The following SIM1 variants were observed in gnomAD, a reference collection of about 807,000 sequenced individuals.
SIM1 encodes the protein single-minded homolog 1.
In SIM1, 18 loss-of-function variants were observed where a neutral mutation model predicts 78.2. The observed-to-expected ratio is 0.23, with a 90% confidence interval of 0.16 to 0.34. The LOEUF (loss-of-function observed/expected upper bound fraction) is 0.34, where lower values mean the gene tolerates loss of function less well. Among genes scored for constraint, SIM1 ranks in the 10% least tolerant of loss-of-function variants. The pLI is 1.00. For synonymous variants in SIM1, 417 were observed against 385.2 expected (o/e 1.08, Z -0.97); for missense variants, 939 against 975.1 (o/e 0.96, Z 0.49).
intron 2 of SIM1, among the ~76,000 whole-genome samples, chr6:100,461,713 T>C (rs534512306): frequency 3.2e-4 from 49 of 152,342 alleles, no homozygotes; most frequent in African/African-American, 1.0e-3. Flanking sequence ...GATCTCTTTT[T>C]TAAATAGAAG....
intron 10 of SIM1, among the ~76,000 whole-genome samples, 161 bp downstream of exon 10, chr6:100,420,629 T>G (rs1436608263): frequency 6.6e-6 from 1 of 152,242 alleles, no homozygotes; most frequent in Non-Finnish European, 1.5e-5. Context: ...CTAGCAGTTA[T>G]TTTAAAAGGA....
intron 10 of SIM1, among the ~76,000 whole-genome samples, chr6:100,402,227 T>C (rs1301892544): frequency 1.3e-5 from 2 of 152,190 alleles, no homozygotes; most frequent in East Asian, 3.8e-4. Context: ...GACTATATTG[T>C]CTAGAAAAAC....
chr6:100,417,707 C>T (rs1049876805), intron 10 of SIM1, among the ~76,000 whole-genome samples: 1 of 152,094 alleles, frequency 6.6e-6, no homozygotes, highest in Non-Finnish European at 1.5e-5. Flanking sequence ...AAACTCTCAG[C>T]CTATGACAAT....
chr6:100,407,753 A>G (rs894700791), intron 10 of SIM1, among the ~76,000 whole-genome samples: 3 of 152,108 alleles, frequency 2.0e-5, no homozygotes, highest in Non-Finnish European at 2.9e-5. Context: ...TTCTTCAGGA[A>G]AAGGTCTAGT....
chr6:100,439,407 CA>C (rs1347525116), intron 9 of SIM1, among the ~76,000 whole-genome samples: 1 of 152,178 alleles, frequency 6.6e-6, no homozygotes, highest in African/African-American at 2.4e-5. Flanking sequence ...GTGTCCTTAG[CA>C]AATGGTGCAA....
intron 10 of SIM1, among the ~76,000 whole-genome samples, chr6:100,411,656 C>A (rs1484467728): frequency 6.6e-6 from 1 of 151,770 alleles, no homozygotes; most frequent in Non-Finnish European, 1.5e-5. Context: ...TACATGGATG[C>A]TGGGGAATGG....
intron 3 of SIM1, among the ~76,000 whole-genome samples, chr6:100,453,484 G>T (rs1040870043): frequency 4.6e-5 from 7 of 152,056 alleles, no homozygotes; most frequent in African/African-American, 1.2e-4. Context: ...CCCTCCCTTG[G>T]TTAGGGGCCT....
At chr6:100,440,699 T>C (rs929332520) in intron 9 of SIM1, among the ~76,000 whole-genome samples, 4 of 152,210 alleles carry the variant, frequency 2.6e-5, no homozygotes, top group Admixed American at 2.0e-4. Context: ...GAAGGCTTAA[T>C]TATAGACACT....
At chr6:100,448,113 G>A (rs781309449) in intron 8 of SIM1, 33 bp downstream of exon 8, 3 of 1,559,226 alleles carry the variant, frequency 1.9e-6, no homozygotes, top group Non-Finnish European at 2.6e-6. Flanking sequence ...ATGCGCCAAG[G>A]TTGCTAGGGT....
Position 100,420,770 on chromosome 6 carries a change from C to G in SIM1, c.1167+20G>C. 1 of 1,613,132 alleles carries G rather than the reference C, an allele frequency of 6.2e-7. No individual in the cohort carries two copies. The highest frequency in any genetic ancestry group is 8.5e-7 in the Non-Finnish European group (1 of 1,179,434). On this transcript the variant is annotated intron_variant, in intron 10 of 11. Transcript: ENST00000369208. ...CATGTCGCCAAAAAAAAGAAAGTTG[C>G]AAAACAGCAATGCACTTACCTGAGG...
intron 2 of SIM1, among the ~76,000 whole-genome samples, chr6:100,457,341 G>T (rs1302575509): frequency 6.6e-6 from 1 of 152,202 alleles, no homozygotes; most frequent in Non-Finnish European, 1.5e-5. Flanking sequence ...GGGGGAGGGT[G>T]GCGGAGGCCC....
At chr6:100,413,140 G>A (rs1256116790) in intron 10 of SIM1, among the ~76,000 whole-genome samples, 4 of 152,148 alleles carry the variant, frequency 2.6e-5, no homozygotes, top group Non-Finnish European at 5.9e-5. Context: ...CATACTACAT[G>A]TGTTTTAACG....
chr6:100,396,397 T>C, intron 10 of SIM1, among the ~76,000 whole-genome samples: 1 of 152,112 alleles, frequency 6.6e-6, no homozygotes, highest in East Asian at 1.9e-4. Context: ...GAAAGTGCTA[T>C]TGGCGCAACA....
rs1438570755 is a variant in SIM1, at chr6:100,412,250, T to C, written c.1167+8540A>G. Among the ~76,000 whole-genome samples the C allele has an allele frequency of 3.3e-5, 5 of 151,874 alleles. No homozygotes were observed. The East Asian group carries it at 9.7e-4, about 29-fold the overall frequency. The stretch of plus-strand genomic sequence containing the variant: ...ATGGGTGAAAGCACAGAAAATCACA[T>C]CTTGGGCTGGGCATGGTAGCTTGCG... On this transcript the variant is annotated intron_variant, in intron 10 of 11. Coordinates refer to ENST00000369208, the MANE Select transcript of SIM1 (RefSeq NM_005068.3).
At chr6:100,422,244 C>G (rs1269277563) in intron 9 of SIM1, among the ~76,000 whole-genome samples, 1 of 152,108 alleles carries the variant, frequency 6.6e-6, no homozygotes, top group East Asian at 1.9e-4. Context: ...CACTCTGTCA[C>G]CCAGGCTGGA....
At position 100,448,129 on chromosome 6, in the gene SIM1, G is replaced by A; in HGVS notation, c.850+17C>T. The A allele has an allele frequency of 6.3e-7, 1 of 1,597,720 alleles. No homozygotes were observed. Among genetic ancestry groups the A allele is most frequent in the Non-Finnish European group, 8.6e-7 (1 of 1,169,238 alleles). ...TGCGCCAAGGTTGCTAGGGTACGGG[G>A]CAGGGTGGCGCCTTACGCAAATGGT... On this transcript the variant is annotated intron_variant, in intron 8 of 11. Coordinates refer to ENST00000369208, the MANE Select transcript of SIM1 (RefSeq NM_005068.3).
chr6:100,393,633 C>T lies in SIM1; in HGVS notation c.1424G>A (p.Gly475Asp). Residue 475 changes from glycine (G) to aspartate (D), a missense_variant, in exon 11 of 12, where the codon GGC becomes GAC. Around this residue, in one of 5 missense-constraint regions of SIM1, gnomAD observed 556 missense variants for 521.9 expected, o/e 1.07. Transcript: ENST00000369208. ...CTGCGGCGTTCCCAGGAAGTACCTG[C>T]CTGCCTCACATCGGCCTCCTTCACA... Reference protein sequence around the residue: ...QACEGGRCEAGRYFLGTPQAG... With the variant: ...QACEGGRCEADRYFLGTPQAG... 6.2e-7 allele frequency: 1 copy of T among 1,614,166 alleles called. No individual in the cohort carries two copies. Among genetic ancestry groups the T allele is most frequent in the Non-Finnish European group, 8.5e-7 (1 of 1,179,960 alleles).
At position 100,390,732 on chromosome 6, in the gene SIM1, G is replaced by A; in HGVS notation, c.1930C>T (p.His644Tyr). The change falls in exon 12 of 12, where the codon CAT becomes TAT. Residue 644 changes from histidine (H) to tyrosine (Y), a missense_variant. This residue lies in a region of SIM1 where 556 missense variants were observed against 521.9 expected (regional missense o/e 1.07). Transcript: ENST00000369208. ...GGACTGTTGTCATAGTCATTTTCAT[G>A]GGGGCTCAACATTTTTCCCTCTCTC... ...QQREGKMLSP[H>Y]ENDYDNSPTA... is the part of the protein sequence containing the mutation. The A allele has an allele frequency of 1.2e-6, 2 of 1,614,090 alleles. No homozygotes were observed. The highest frequency in any genetic ancestry group is 2.2e-5 in the East Asian group (1 of 44,884).
At chr6:100,458,475 T>C (rs1174008262) in intron 2 of SIM1, among the ~76,000 whole-genome samples, 1 of 152,226 alleles carries the variant, frequency 6.6e-6, no homozygotes, top group Non-Finnish European at 1.5e-5. Context: ...ACCTAAGGTT[T>C]AGACGACTGC....
Sources: gnomAD v4.1 joint callset for allele counts (sites outside exome capture counted in the v4.1 genomes callset) on GRCh38, gnomAD v4.1.1 for gene constraint, gnomAD v4.1.1 regional missense constraint, MANE v1.5 for transcripts, NCBI Gene and HGNC (gene_info 2026-07-23, HGNC 2026-07-21) for gene names.